The following PGR variants were observed in gnomAD, a reference collection of about 807,000 sequenced individuals.
PGR encodes nuclear receptor subfamily 3 group C member 3.
A neutral mutation model predicts 76.1 loss-of-function variants in PGR; 25 were observed. The observed-to-expected ratio is 0.33, with a 90% CI of 0.24 to 0.46. The LOEUF (loss-of-function observed/expected upper bound fraction) is 0.46, where lower values mean the gene tolerates loss of function less well. Among genes scored for constraint, PGR ranks in the 20% least tolerant of loss-of-function variants. PGR has a pLI of 1.00. For synonymous variants in PGR, 579 were observed against 535.0 expected (o/e 1.08, Z -1.14); for missense variants, 1,172 against 1,225.3 (o/e 0.96, Z 0.65).
At chr11:101,108,547 A>G (rs965492276) in intron 2 of PGR, among the ~76,000 whole-genome samples, 3 of 152,336 alleles carry the variant, frequency 2.0e-5, no homozygotes, top group South Asian at 2.1e-4. Flanking sequence ...AGTCTTTTCA[A>G]TAAATCTTCA....
intron 6 of PGR, among the ~76,000 whole-genome samples, chr11:101,046,556 C>G (rs1591369537): frequency 6.6e-6 from 1 of 151,740 alleles, no homozygotes; most frequent in Non-Finnish European, 1.5e-5. Flanking sequence ...GGTTTAAGTT[C>G]ATAACTACCA....
At chr11:101,118,829 C>T (rs951606302) in intron 2 of PGR, among the ~76,000 whole-genome samples, 1 of 152,152 alleles carries the variant, frequency 6.6e-6, no homozygotes, top group Non-Finnish European at 1.5e-5. Context: ...TGTTCATCGG[C>T]CTCTCCTCAA....
chr11:101,109,665 G>A (rs981269303), intron 2 of PGR, among the ~76,000 whole-genome samples: 1 of 152,226 alleles, frequency 6.6e-6, no homozygotes, highest in Non-Finnish European at 1.5e-5. Context: ...AGTACAAGGT[G>A]AAGCAGCAAG....
At position 101,128,050 on chromosome 11, in the gene PGR, G is replaced by A. The variant is rs1156482903; in HGVS notation, c.1021C>T (p.Pro341Ser). 1.2e-6 allele frequency: 2 copies of A among 1,604,076 alleles called. No homozygotes were observed. The highest frequency in any genetic ancestry group is 2.7e-5 in the African/African-American group (2 of 74,922). Residue 341 changes from proline (P) to serine (S), a missense_variant, in exon 1 of 8, where the codon CCG (proline) becomes TCG (serine). Physicochemically the swap from Pro to Ser is moderately conservative, Grantham distance 74 (BLOSUM62 -1). Around this residue, in one of 4 missense-constraint regions of PGR, gnomAD observed 893 missense variants for 785.9 expected, o/e 1.14. Coordinates refer to ENST00000325455, the MANE Select transcript of PGR (RefSeq NM_000926.4). ...GAGGCACAGGGTGAACTCCGCGGCG[G>A]GGCAAAGGCGCTGGCAGCCCCGGCC... is the stretch of plus-strand genomic sequence containing the variant. Reference protein sequence around the residue: ...GGAGAASAFAPPRSSPCASST... With the variant: ...GGAGAASAFASPRSSPCASST...
intron 4 of PGR, among the ~76,000 whole-genome samples, chr11:101,058,754 T>C (rs1303695989): frequency 6.6e-6 from 1 of 152,182 alleles, no homozygotes; most frequent in African/African-American, 2.4e-5. Context: ...ATTAGTACTT[T>C]TAATTTAAAC....
intron 2 of PGR, among the ~76,000 whole-genome samples, chr11:101,120,700 G>A (rs1862645194): frequency 1.3e-5 from 2 of 152,110 alleles, no homozygotes; most frequent in African/African-American, 4.8e-5. Flanking sequence ...GAAAAACTGA[G>A]GTAGAGGTAT....
At chr11:101,079,074 C>T (rs932216733) in intron 3 of PGR, among the ~76,000 whole-genome samples, 7 of 152,004 alleles carry the variant, frequency 4.6e-5, no homozygotes, top group Admixed American at 3.3e-4. Flanking sequence ...AAACTGGCTA[C>T]CTATATGCAG....
At chr11:101,123,421 T>C (rs1232188600) in intron 2 of PGR, among the ~76,000 whole-genome samples, 1 of 152,194 alleles carries the variant, frequency 6.6e-6, no homozygotes, top group African/African-American at 2.4e-5. Flanking sequence ...CTGATATAAG[T>C]CCTTCTACTT....
chr11:101,050,180 G>T, intron 5 of PGR, 121 bp from the exon 6 acceptor site: 11 of 948,580 alleles, frequency 1.2e-5, no homozygotes, highest in Non-Finnish European at 1.8e-5. Flanking sequence ...TATTGAAAAT[G>T]ACTACTACTT....
At chr11:101,055,572 A>G (rs1860262071) in intron 4 of PGR, among the ~76,000 whole-genome samples, 1 of 152,088 alleles carries the variant, frequency 6.6e-6, no homozygotes. Flanking sequence ...TTTCTAAAAA[A>G]AGTATTTTAT....
chr11:101,102,795 A>C (rs1020270973), intron 2 of PGR, among the ~76,000 whole-genome samples: 12 of 138,318 alleles, frequency 8.7e-5, no homozygotes, highest in African/African-American at 3.0e-4. Context: ...AGCAGTCCCT[A>C]ATCTTTTTTG....
At chr11:101,041,069 T>A (rs1031126766) in intron 7 of PGR, among the ~76,000 whole-genome samples, 2 of 127,070 alleles carry the variant, frequency 1.6e-5, no homozygotes, top group South Asian at 2.3e-4. Flanking sequence ...TCTGTTCTCA[T>A]GTCATGGATA....
chr11:101,035,026 T>G lies in PGR; in HGVS notation c.*4090A>C, dbSNP rs1859462599. 5.0e-6 allele frequency: 1 copy of G among 200,206 alleles called. No individual in the cohort carries two copies. The highest frequency in any genetic ancestry group is 2.3e-5 in the African/African-American group (1 of 43,590). The allele number at this position is 200,206 out of a possible 1,614,324, so 12.4% of individuals were successfully genotyped here. ...GAAGTAAGGATAAGCAATTTAGGAC[T>G]TGGTGAACTTTTGCTAGACTATCTG... On this transcript the variant is annotated 3_prime_UTR_variant, in exon 8 of 8. Coordinates refer to ENST00000325455, the MANE Select transcript of PGR (RefSeq NM_000926.4).
At chr11:101,052,269 CTGTGTGTGTGTGTGTGTGTGTG>C (rs55925008) in intron 4 of PGR, among the ~76,000 whole-genome samples, 2,059 of 141,932 alleles carry the variant, frequency 0.015, 21 homozygotes, top group Non-Finnish European at 0.021. Flanking sequence ...GATTTAGAAT[CTGTGTGTGTGTGTGTGTGTGTG>C]TGTGTGTGTG....
intron 2 of PGR, among the ~76,000 whole-genome samples, chr11:101,092,631 A>G (rs910449624): frequency 2.0e-5 from 3 of 152,224 alleles, no homozygotes; most frequent in African/African-American, 7.2e-5. Context: ...GGTCTGGCAC[A>G]TGAATTTAAT....
chr11:101,081,428 CA>C (rs35694297), intron 3 of PGR, among the ~76,000 whole-genome samples: 17,594 of 138,268 alleles, frequency 0.13, 1,259 homozygotes, highest in Non-Finnish European at 0.17. Flanking sequence ...GGCTCCATCT[CA>C]AAAAAAAAAA....
At chr11:101,091,099 G>T (rs932548342) in intron 3 of PGR, among the ~76,000 whole-genome samples, 1 of 152,164 alleles carries the variant, frequency 6.6e-6, no homozygotes, top group African/African-American at 2.4e-5. Flanking sequence ...GGGAGTACGG[G>T]TGTCTTGCAT....
chr11:101,088,257 G>A (rs1384997453), intron 3 of PGR, among the ~76,000 whole-genome samples: 1 of 152,088 alleles, frequency 6.6e-6, no homozygotes, highest in African/African-American at 2.4e-5. Flanking sequence ...GTGGAAAAAA[G>A]GGAATACTTA....
At chr11:101,122,152 C>CAAAA (rs56163757) in intron 2 of PGR, among the ~76,000 whole-genome samples, 25,032 of 101,736 alleles carry the variant, frequency 0.25, 3,828 homozygotes, top group Non-Finnish European at 0.34. Flanking sequence ...GACTCCGTCT[C>CAAAA]AAAAAAAAAA....
Sources: allele counts gnomAD v4.1 joint callset (sites outside exome capture counted in the v4.1 genomes callset), GRCh38; gene constraint gnomAD v4.1.1; regional missense constraint gnomAD v4.1.1; transcripts MANE v1.5; gene names NCBI Gene and HGNC (gene_info 2026-07-23, HGNC 2026-07-21).